LPCAT4: variants seen among roughly 807,000 people sequenced by gnomAD.
The protein encoded by LPCAT4 is lysophospholipid acyltransferase LPCAT4.
A neutral mutation model predicts 66.5 loss-of-function variants in LPCAT4; 30 were observed. The observed-to-expected ratio is 0.45, with a 90% CI of 0.34 to 0.61. The LOEUF (loss-of-function observed/expected upper bound fraction) is 0.61. LPCAT4 is among the 20% of genes least tolerant of loss of function. LPCAT4 has a pLI of 0.01. For synonymous variants in LPCAT4, 253 were observed against 262.1 expected, an observed-to-expected ratio of 0.97 and a Z score of 0.34; for missense variants, 557 against 656.7, an observed-to-expected ratio of 0.85 and a Z score of 1.66.
intron 7 of LPCAT4, 46 bp from the exon 8 acceptor site, chr15:34,362,882 C>A (rs1322594413): frequency 1.3e-6 from 2 of 1,596,862 alleles, no homozygotes; most frequent in Non-Finnish European, 1.7e-6. Context: ...TAACTATGGG[C>A]TCCTTCCCTG....
Position 34,364,079 on chromosome 15 carries a change from G to A in LPCAT4, c.592-6C>T. The stretch of plus-strand genomic sequence containing the variant: ...CCCTCAGGAAAGAATAGCACCTGGG[G>A]TAAAAAAGAGCAGAATGAGGTGAAG... On this transcript the variant is annotated splice_region_variant and splice_polypyrimidine_tract_variant and intron_variant, in intron 4 of 13. Transcript: ENST00000314891. 1 of 1,612,298 alleles carries A rather than the reference G, an allele frequency of 6.2e-7. No individual in the cohort carries two copies.
In LPCAT4 at chr15:34,365,719, G is replaced by T. The variant is rs190932196; in HGVS notation, c.115-18C>A. 5.6e-6 allele frequency: 9 copies of T among 1,612,712 alleles called. No individual in the cohort carries two copies. The South Asian group carries it at 9.9e-5, about 18-fold the overall frequency. ...AGGCAGAACTGCAAAGGGTGGGAGA[G>T]AATGCCACTTTAGAGCTTGGATATG... On this transcript the variant is annotated intron_variant, in intron 1 of 13. Coordinates refer to ENST00000314891, the MANE Select transcript of LPCAT4 (RefSeq NM_153613.3).
In LPCAT4 at chr15:34,367,136, T is replaced by TGGCCCC. The variant is rs1891101054; in HGVS notation, c.-42_-37dup. ...GGTGGGAGGGAGGGCACCCCGGCCCTGGCCCCGGCCACCACTCTGCAGAGC... is the reference window on the plus strand; with the variant it reads ...GGTGGGAGGGAGGGCACCCCGGCCCTGGCCCCGGCCCCGGCCACCACTCTGCAGAGC... On this transcript the variant is annotated 5_prime_UTR_variant, in exon 1 of 14. Coordinates refer to ENST00000314891, the MANE Select transcript of LPCAT4 (RefSeq NM_153613.3). The TGGCCCC allele has an allele frequency of 1.7e-5, 26 of 1,498,040 alleles. No homozygotes were observed. The East Asian group carries it at 6.2e-4, about 35-fold the overall frequency. 92.8% of individuals were successfully genotyped at this position (1,498,040 alleles called of 1,614,324 possible). A position where few individuals can be genotyped will look rare whatever the true frequency, so the allele number is the denominator to read the frequency against.
chr15:34,364,876 T>G, intron 3 of LPCAT4, 132 bp downstream of exon 3: 1 of 692,932 alleles, frequency 1.4e-6, no homozygotes, highest in Non-Finnish European at 2.5e-6. Flanking sequence ...TGACTAATGG[T>G]GTTAATTTAT....
chr15:34,364,965 C>G, intron 3 of LPCAT4, 43 bp downstream of exon 3: 1 of 1,538,310 alleles, frequency 6.5e-7, no homozygotes, highest in Non-Finnish European at 8.8e-7. Context: ...TTTTTTTGCC[C>G]AGAGTTGTCA....
In LPCAT4 at chr15:34,367,068, G is replaced by A; in HGVS notation, c.33C>T (p.Pro11=). ...CTGGGGGTCCGGGGGTGGGATCTAG[G>A]GGGGCCCAGTCCCCCGGACTTCCCT... The part of the protein sequence containing the change: MSQGSPGDWA[P]LDPTPGPPAS... Residue 11 remains proline (P), a synonymous_variant, in exon 1 of 14, where the codon CCC becomes CCT. Transcript: ENST00000314891. 5 of 1,556,738 alleles carry A rather than the reference G, an allele frequency of 3.2e-6. No homozygotes were observed. The highest frequency in any genetic ancestry group is 4.3e-6 in the Non-Finnish European group (5 of 1,150,336).
rs546770980 is a variant in LPCAT4 at position 34,360,228 on chromosome 15, C to T, written c.1144-19G>A. ...TGGTATCCTGGTGTGAAAAAGAAAC[C>T]AGGGCAATGCGGGGACCCTGCGCCT... On this transcript the variant is annotated intron_variant, in intron 11 of 13. Transcript: ENST00000314891. 5.6e-6 allele frequency: 9 copies of T among 1,603,374 alleles called. 1 individual carries two copies. The East Asian group carries it at 1.8e-4, about 32-fold the overall frequency.
At position 34,364,309 on chromosome 15, in the gene LPCAT4, G is replaced by A. The variant is rs745527185; in HGVS notation, c.479-3C>T. The A allele has an allele frequency of 2.5e-6, 4 of 1,604,770 alleles. No homozygotes were observed. Among genetic ancestry groups the A allele is most frequent in the Non-Finnish European group, 3.4e-6 (4 of 1,171,822 alleles). The stretch of plus-strand genomic sequence containing the variant: ...GGCTTGGTTGAATCGAAGAAGGGCT[G>A]GGGTTGGGAAGGATACAAAGAGGAA... On this transcript the variant is annotated splice_region_variant and splice_polypyrimidine_tract_variant and intron_variant, in intron 3 of 13. Coordinates refer to ENST00000314891, the MANE Select transcript of LPCAT4 (RefSeq NM_153613.3).
intron 8 of LPCAT4, 58 bp downstream of exon 8, chr15:34,362,724 T>C: frequency 1.2e-6 from 2 of 1,612,154 alleles, no homozygotes; most frequent in Non-Finnish European, 1.7e-6. Flanking sequence ...CACCCTCTTT[T>C]CCCAAGGTTT....
chr15:34,359,229 G>T lies in LPCAT4; in HGVS notation c.1473C>A (p.His491Gln), dbSNP rs1210401330. 1 of 1,583,832 alleles carries T rather than the reference G, an allele frequency of 6.3e-7. No individual in the cohort carries two copies. Among genetic ancestry groups the T allele is most frequent in the Non-Finnish European group, 8.6e-7 (1 of 1,164,404 alleles). ...GTGTCTGGGAGGTGCCTCGAGAGGT[G>T]TGTGGGGGGCGCAGGTAGGTGCTGA... ...KLFSTYLRPPHTSRGTSQTPN... is the reference protein window; with the variant it reads ...KLFSTYLRPPQTSRGTSQTPN... The change falls in exon 14 of 14, where the codon CAC becomes CAA. Residue 491 changes from histidine to glutamine, a missense_variant. His to Gln is a conservative substitution (Grantham distance 24). Transcript: ENST00000314891.
intron 3 of LPCAT4, 29 bp from the exon 4 acceptor site, chr15:34,364,335 T>A: frequency 6.9e-7 from 1 of 1,441,566 alleles, no homozygotes; most frequent in Non-Finnish European, 9.7e-7. Flanking sequence ...CAAAGAGGAA[T>A]CACTTCTTTC....
At chr15:34,360,852 G>T (rs563146525) in intron 11 of LPCAT4, 1 of 154,282 alleles carries the variant, frequency 6.5e-6, no homozygotes, top group East Asian at 1.9e-4. Flanking sequence ...TAAGCATTAA[G>T]AATCTTTTAG....
At position 34,365,005 on chromosome 15, in the gene LPCAT4, C is replaced by A; in HGVS notation, c.478+3G>T. The A allele has an allele frequency of 6.2e-7, 1 of 1,605,162 alleles. No homozygotes were observed. The highest frequency in any genetic ancestry group is 8.5e-7 in the Non-Finnish European group (1 of 1,173,012). On this transcript the variant is annotated splice_donor_region_variant and intron_variant, in intron 3 of 13. Transcript: ENST00000314891. ...GCCCTTCACCCCCTTTGAACTCTCT[C>A]ACCTCCAATGACAGGAACGGAAAGG...
At position 34,364,445 on chromosome 15, in the gene LPCAT4, CAG is replaced by C. The variant is rs1891025328; in HGVS notation, c.479-141_479-140del. 8.3e-6 allele frequency: 5 copies of C among 601,042 alleles called. No homozygotes were observed. In the East Asian group the frequency reaches 1.1e-4, roughly 14 times the overall value. The allele number at this position is 601,042 out of a possible 1,614,324, so 37.2% of individuals were successfully genotyped here. A position where few individuals can be genotyped will look rare whatever the true frequency, so the allele number is the denominator to read the frequency against. On this transcript the variant is annotated intron_variant, in intron 3 of 13. Transcript: ENST00000314891. ...TTTTTTCTGTTGTTGTTGTTTGAGA[CAG>C]AGTTTCGCTTTTGTTGCCCAGGCTG... is the stretch of plus-strand genomic sequence containing the variant.
intron 13 of LPCAT4, 31 bp downstream of exon 13, chr15:34,359,558 C>T: frequency 1.2e-6 from 2 of 1,602,028 alleles, no homozygotes; most frequent in Non-Finnish European, 1.7e-6. Flanking sequence ...GCCCCAAGTG[C>T]CCGTGTGGGG....
intron 1 of LPCAT4, chr15:34,365,998 G>T (rs999757935): frequency 3.1e-6 from 1 of 326,336 alleles, no homozygotes; most frequent in African/African-American, 2.1e-5. Flanking sequence ...GATTTAATAA[G>T]AATGCATGCG....
Position 34,367,182 on chromosome 15 carries a change from C to CTCTGCA in LPCAT4, c.-83_-82insTGCAGA. The CTCTGCA allele has an allele frequency of 4.0e-6, 5 of 1,238,826 alleles. No homozygotes were observed. The South Asian group carries it at 6.2e-5, about 15-fold the overall frequency. 76.7% of individuals were successfully genotyped at this position (1,238,826 alleles called of 1,614,324 possible). ...AGAGCAGCTGCTGCTGCAGCAGCGG[C>CTCTGCA]GGCGGCGGCGCTCTGGCCCGGGCCC... On this transcript the variant is annotated 5_prime_UTR_variant, in exon 1 of 14. Coordinates refer to ENST00000314891, the MANE Select transcript of LPCAT4 (RefSeq NM_153613.3).
chr15:34,366,942 T>G, intron 1 of LPCAT4, 45 bp downstream of exon 1: 1 of 1,533,332 alleles, frequency 6.5e-7, no homozygotes, highest in Non-Finnish European at 8.8e-7. Context: ...GGCCCCATTT[T>G]CCTATCCTCA....
chr15:34,362,803 G>A lies in LPCAT4; in HGVS notation c.780C>T (p.Pro260=). 2 of 1,614,212 alleles carry A rather than the reference G, an allele frequency of 1.2e-6. No homozygotes were observed. Among genetic ancestry groups the A allele is most frequent in the Non-Finnish European group, 1.7e-6 (2 of 1,180,032 alleles). The change falls in exon 8 of 14, where the codon CCC becomes CCT. Residue 260 remains proline, a synonymous_variant. Transcript: ENST00000314891. The stretch of plus-strand genomic sequence containing the variant: ...ATACCTCCACATCCACAATGCTGCA[G>A]GGCTGAGAGGCTGTGAGCCAGAGGA... ...LKVLWLTASQ[P]CSIVDVEFLP...
Sources: gnomAD v4.1 joint callset for allele counts on GRCh38, gnomAD v4.1.1 for gene constraint, MANE v1.5 for transcripts, NCBI Gene and HGNC (gene_info 2026-07-23, HGNC 2026-07-21) for gene names.